Variants in FGFR2 observed in about 807,000 individuals in gnomAD.
The protein encoded by FGFR2 is BEK fibroblast growth factor receptor.
Under a neutral mutation model 95.9 loss-of-function variants are expected in FGFR2, and 19 were observed. The ratio of observed to expected loss-of-function variants is 0.20; its 90% CI spans 0.14 to 0.29. FGFR2 has a LOEUF of 0.29. Among genes scored for constraint, FGFR2 ranks in the 10% least tolerant of loss-of-function variants. The pLI is 1.00. For synonymous variants in FGFR2, 392 were observed against 393.3 expected (o/e 1.00, Z 0.04); for missense variants, 707 against 1,056.9 (o/e 0.67, Z 4.59).
intron 4 of FGFR2, among the ~76,000 whole-genome samples, chr10:121,561,017 C>T (rs543171539): frequency 6.6e-6 from 1 of 152,330 alleles, no homozygotes; most frequent in East Asian, 1.9e-4. Context: ...ACTGCACCAA[C>T]CAAAATATTT....
intron 2 of FGFR2, chr10:121,565,938 T>C: frequency 3.4e-6 from 2 of 591,656 alleles, no homozygotes; most frequent in South Asian, 4.0e-5. Flanking sequence ...CCACATCCTA[T>C]GGGGCTTTAG....
At chr10:121,491,059 C>T (rs892543940) in intron 13 of FGFR2, among the ~76,000 whole-genome samples, 3 of 152,178 alleles carry the variant, frequency 2.0e-5, no homozygotes, top group East Asian at 1.9e-4. Context: ...CCTGCCGACA[C>T]GCGCTCTGTG....
intron 6 of FGFR2, among the ~76,000 whole-genome samples, chr10:121,534,071 G>A (rs951921506): frequency 6.8e-6 from 1 of 147,728 alleles, no homozygotes; most frequent in Non-Finnish European, 1.5e-5. Context: ...CTCTGGCCAC[G>A]TCTGTAGGTC....
rs559393324 is a variant in FGFR2, at chr10:121,593,081, T to C, written c.109+628A>G. 1.0e-3 allele frequency among the ~76,000 whole-genome samples: 159 copies of C among 152,296 alleles called. 1 individual carries two copies. The highest frequency in any genetic ancestry group is 2.6e-3 in the African/African-American group (107 of 41,576). On this transcript the variant is annotated intron_variant, in intron 2 of 17. Transcript: ENST00000358487. Reference sequence around the variant, plus strand: ...GACACCGGCGCATGCCCTGTGATACTTGGAGGTTCTCGGAGCTGGAGGAGA... The same window carrying C: ...GACACCGGCGCATGCCCTGTGATACCTGGAGGTTCTCGGAGCTGGAGGAGA...
rs1181982997 is a variant in FGFR2, at chr10:121,565,801, G to A, written c.110-97C>T. ...TCAGTGGAGGCCTGCTTATTCCCAG[G>A]AGAAGCTGTTCTTGCTCTGCAAATG... On this transcript the variant is annotated intron_variant, in intron 2 of 17. Transcript: ENST00000358487. 5.5e-6 allele frequency: 8 copies of A among 1,462,274 alleles called. No individual in the cohort carries two copies. The Admixed American group carries it at 1.1e-4, about 20-fold the overall frequency. The allele number at this position is 1,462,274 out of a possible 1,614,324, so 90.6% of individuals were successfully genotyped here. A position where few individuals can be genotyped will look rare whatever the true frequency, so the allele number is the denominator to read the frequency against.
chr10:121,505,474 G>C (rs1848148169), intron 9 of FGFR2, among the ~76,000 whole-genome samples: 1 of 152,156 alleles, frequency 6.6e-6, no homozygotes, highest in Non-Finnish European at 1.5e-5. Context: ...TCATTGTATG[G>C]TCAAAATGTT....
intron 10 of FGFR2, among the ~76,000 whole-genome samples, chr10:121,501,490 A>G (rs985320824): frequency 1.3e-5 from 2 of 152,082 alleles, no homozygotes; most frequent in African/African-American, 2.4e-5. Flanking sequence ...TTTTTTTGAC[A>G]TAAGTTTAAA....
chr10:121,581,764 A>AC, intron 2 of FGFR2, among the ~76,000 whole-genome samples: 1 of 136,228 alleles, frequency 7.3e-6, no homozygotes, highest in African/African-American at 2.7e-5. Flanking sequence ...CTGCATTTAA[A>AC]AAAAAAAAAA....
At chr10:121,568,356 T>C (rs1858021104) in intron 2 of FGFR2, among the ~76,000 whole-genome samples, 1 of 152,192 alleles carries the variant, frequency 6.6e-6, no homozygotes, top group Non-Finnish European at 1.5e-5. Flanking sequence ...TGAATTTACA[T>C]TGGATCAGTC....
chr10:121,517,597 T>C lies in FGFR2; in HGVS notation c.940-134A>G. On this transcript the variant is annotated intron_variant, in intron 7 of 17. Transcript: ENST00000358487. This position sits in a 1 kb window ranked among gnomAD's most constrained non-coding sequence, Gnocchi z 4.7. ...ACTGGGAGATTCCGACTGCAGCCCA[T>C]CCACAAAGCCCACAACCGAGAGACA... is the stretch of plus-strand genomic sequence containing the variant. The C allele has an allele frequency of 1.0e-6, 1 of 993,560 alleles. No homozygotes were observed. The highest frequency in any genetic ancestry group is 1.5e-6 in the Non-Finnish European group (1 of 645,980). The allele number at this position is 993,560 out of a possible 1,614,324, so 61.5% of individuals were successfully genotyped here.
rs41295469 is a variant in FGFR2, at chr10:121,542,321, G to A, written c.625-3606C>T. ...TGTACTTTATATAATTAAGCAGTGG[G>A]ATTATGGGTATTGCCTACTTTTTTC... On this transcript the variant is annotated intron_variant, in intron 5 of 17. Transcript: ENST00000358487. 3.9e-5 allele frequency among the ~76,000 whole-genome samples: 6 copies of A among 152,262 alleles called. No individual in the cohort carries two copies. In the East Asian group the frequency reaches 1.2e-3, roughly 29 times the overall value.
At chr10:121,490,216 T>A (rs1845960236) in intron 13 of FGFR2, among the ~76,000 whole-genome samples, 1 of 134,920 alleles carries the variant, frequency 7.4e-6, no homozygotes, top group South Asian at 2.4e-4. Context: ...CAGGCTAGAG[T>A]GCAGTGGCAC....
intron 5 of FGFR2, among the ~76,000 whole-genome samples, chr10:121,550,799 T>C (rs1024154963): frequency 6.6e-6 from 1 of 152,214 alleles, no homozygotes; most frequent in African/African-American, 2.4e-5. Flanking sequence ...ACTTTAAAAT[T>C]ACACGCAAGT....
intron 5 of FGFR2, among the ~76,000 whole-genome samples, chr10:121,548,436 G>A (rs1456268294): frequency 2.2e-4 from 33 of 151,786 alleles, no homozygotes; most frequent in Non-Finnish European, 1.5e-5. Context: ...TCCTCATTTT[G>A]CTTTTAGAAC....
rs3135828 is a variant in FGFR2, at chr10:121,479,120, C to G, written c.*737G>C. Reference sequence around the variant, plus strand: ...TGTAAATATTCTCTTTTCAAAGGATCTGATAACTAGTTAAGTCCAAGCAAT... The same window carrying G: ...TGTAAATATTCTCTTTTCAAAGGATGTGATAACTAGTTAAGTCCAAGCAAT... On this transcript the variant is annotated 3_prime_UTR_variant, in exon 18 of 18. Coordinates refer to ENST00000358487, the MANE Select transcript of FGFR2 (RefSeq NM_000141.5). 180 of 232,746 alleles carry G rather than the reference C, an allele frequency of 7.7e-4. 4 individuals carry two copies. In the Admixed American group the frequency reaches 9.6e-3, roughly 12 times the overall value. The allele number at this position is 232,746 out of a possible 1,614,324, so 14.4% of individuals were successfully genotyped here. A position where few individuals can be genotyped will look rare whatever the true frequency, so the allele number is the denominator to read the frequency against.
intron 9 of FGFR2, among the ~76,000 whole-genome samples, chr10:121,510,446 C>T (rs933155159): frequency 6.6e-6 from 1 of 152,186 alleles, no homozygotes; most frequent in African/African-American, 2.4e-5. Context: ...TCATCCGTGA[C>T]CACTCTAATT....
chr10:121,567,829 G>T (rs1012816864), intron 2 of FGFR2, among the ~76,000 whole-genome samples: 5 of 152,216 alleles, frequency 3.3e-5, no homozygotes, highest in Non-Finnish European at 7.3e-5. Context: ...TTCAGTCATT[G>T]CAACAGAAAC....
At chr10:121,487,868 A>C in intron 14 of FGFR2, 123 bp downstream of exon 14, 1 of 1,216,796 alleles carries the variant, frequency 8.2e-7, no homozygotes, top group Non-Finnish European at 1.2e-6. Flanking sequence ...AAGAACGGGA[A>C]TCGGGGCAGG....
intron 6 of FGFR2, among the ~76,000 whole-genome samples, chr10:121,522,549 C>A (rs970285190): frequency 6.6e-6 from 1 of 152,074 alleles, no homozygotes; most frequent in African/African-American, 2.4e-5. Context: ...GAGTGAGACC[C>A]CGTCTTAGAA....
Sources: gnomAD v4.1 joint callset for allele counts (sites outside exome capture counted in the v4.1 genomes callset) on GRCh38, gnomAD v4.1.1 for gene constraint, Gnocchi (gnomAD v3.1) non-coding constraint, MANE v1.5 for transcripts, NCBI Gene and HGNC (gene_info 2026-07-23, HGNC 2026-07-21) for gene names.